NRXN1: variants seen among roughly 807,000 people sequenced by gnomAD.
NRXN1 encodes neurexin 1.
In NRXN1, 39 loss-of-function variants were observed where a neutral mutation model predicts 150.9. The observed-to-expected ratio is 0.26, with a 90% CI of 0.20 to 0.34. The LOEUF (loss-of-function observed/expected upper bound fraction) is 0.34. Ranked by LOEUF, NRXN1 falls within the 10% of genes least tolerant of loss-of-function variation. The probability of loss-of-function intolerance (pLI) is 1.00; values close to 1 mark genes in which losing one functional copy is unlikely to be tolerated. For missense variants in NRXN1, 1,815 were observed against 1,949.9 expected, an observed-to-expected ratio of 0.93 and a Z score of 1.30; for synonymous variants, 924 against 757.0, an observed-to-expected ratio of 1.22 and a Z score of -3.62.
chr2:50,457,837 T>G lies in NRXN1; in HGVS notation c.3364+7605A>C, dbSNP rs190424981. Among the ~76,000 whole-genome samples, 50 of 152,160 alleles carry G rather than the reference T, an allele frequency of 3.3e-4. 1 individual carries two copies. The East Asian group carries it at 5.1e-3, about 15-fold the overall frequency. On this transcript the variant is annotated intron_variant, in intron 17 of 22. Transcript: ENST00000401669. The stretch of plus-strand genomic sequence containing the variant: ...TATAAAAAAGACATAAAATAACACA[T>G]GCTGGCAAAAATTTGGAAAAAGAGA...
At chr2:50,995,773 G>A (rs1013872864) in intron 2 of NRXN1, among the ~76,000 whole-genome samples, 6 of 151,982 alleles carry the variant, frequency 3.9e-5, no homozygotes, top group Non-Finnish European at 7.4e-5. Flanking sequence ...TTGGCTTTAC[G>A]CCGAGCAAGG....
intron 21 of NRXN1, among the ~76,000 whole-genome samples, chr2:49,977,715 G>A (rs1157471051): frequency 6.6e-6 from 1 of 152,180 alleles, no homozygotes. Context: ...TGTTAGTAAA[G>A]AGATTAGGGT....
chr2:50,373,332 T>TATTATTA (rs1558619077), intron 17 of NRXN1, among the ~76,000 whole-genome samples: 3 of 147,138 alleles, frequency 2.0e-5, no homozygotes, highest in African/African-American at 2.5e-5. Flanking sequence ...TTATTATTAT[T>TATTATTA]TTGCCTCAGA....
In NRXN1 at chr2:50,712,496, T is replaced by G. The variant is rs563844643; in HGVS notation, c.833-88881A>C. On this transcript the variant is annotated intron_variant, in intron 5 of 22. Transcript: ENST00000401669. Reference sequence around the variant, plus strand: ...CAGCTAATCAAAGATCTTGGTTTAATGTAGGCCAAACCAGGTCCCCTGTGT... The same window carrying G: ...CAGCTAATCAAAGATCTTGGTTTAAGGTAGGCCAAACCAGGTCCCCTGTGT... 2.0e-3 allele frequency among the ~76,000 whole-genome samples: 299 copies of G among 152,310 alleles called. 3 individuals carry two copies. The Middle Eastern group carries it at 0.037, about 19-fold the overall frequency.
chr2:50,151,021 A>C (rs546955544), intron 18 of NRXN1, among the ~76,000 whole-genome samples: 4 of 151,886 alleles, frequency 2.6e-5, no homozygotes, highest in African/African-American at 7.2e-5. Flanking sequence ...ACAGGGGCTA[A>C]AGATTTATGC....
chr2:50,977,569 G>A (rs1413822998), intron 2 of NRXN1, among the ~76,000 whole-genome samples: 9 of 151,908 alleles, frequency 5.9e-5, no homozygotes, highest in South Asian at 2.1e-4. Flanking sequence ...AGTTACTGCA[G>A]AATAATCTCT....
At chr2:50,293,979 T>C (rs911765727) in intron 17 of NRXN1, among the ~76,000 whole-genome samples, 1 of 152,216 alleles carries the variant, frequency 6.6e-6, no homozygotes, top group African/African-American at 2.4e-5. Context: ...AGTGGTTTTC[T>C]GTTCACTTAC....
intron 18 of NRXN1, among the ~76,000 whole-genome samples, chr2:50,213,838 G>C (rs1239571031): frequency 1.3e-5 from 2 of 151,788 alleles, no homozygotes; most frequent in East Asian, 3.9e-4. Flanking sequence ...CATTTAAAAA[G>C]TGTGACAAGC....
chr2:50,026,901 G>T (rs2152564452), intron 21 of NRXN1, among the ~76,000 whole-genome samples: 3 of 39,222 alleles, frequency 7.6e-5, no homozygotes, highest in African/African-American at 1.1e-4. Flanking sequence ...TTTTTTTTGA[G>T]ACGGAGTCTC....
At position 51,027,839 on chromosome 2, in the gene NRXN1, C is replaced by T. The variant is rs1303388955; in HGVS notation, c.435G>A (p.Arg145=). 1.9e-6 allele frequency: 3 copies of T among 1,613,288 alleles called. No homozygotes were observed. Among genetic ancestry groups the T allele is most frequent in the South Asian group, 1.1e-5 (1 of 91,090 alleles). Reference sequence around the variant, plus strand: ...AAAGGCCGCTGAACACCGTCATGTCCCTGCGCTTGGACTTGACCTCCACCC... The same window carrying T: ...AAAGGCCGCTGAACACCGTCATGTCTCTGCGCTTGGACTTGACCTCCACCC... ...AKWVEVKSKR[R]DMTVFSGLFV... The change falls in exon 2 of 23, where the codon AGG becomes AGA. Residue 145 remains arginine (R), a synonymous_variant. Coordinates refer to ENST00000401669, the MANE Select transcript of NRXN1 (RefSeq NM_001330078.2).
chr2:50,469,607 G>A (rs2216172), intron 16 of NRXN1, among the ~76,000 whole-genome samples: 91,267 of 151,026 alleles, frequency 0.6, 28,285 homozygotes, highest in African/African-American at 0.73. Flanking sequence ...CCTAAAAAAT[G>A]TGTGAATCTC....
At chr2:50,853,611 T>C (rs1485168354) in intron 5 of NRXN1, among the ~76,000 whole-genome samples, 2 of 152,096 alleles carry the variant, frequency 1.3e-5, no homozygotes, top group Non-Finnish European at 2.9e-5. Flanking sequence ...TCATCACATA[T>C]TCATATGTCA....
At chr2:50,126,164 A>AT (rs1301268991) in intron 18 of NRXN1, among the ~76,000 whole-genome samples, 1 of 152,116 alleles carries the variant, frequency 6.6e-6, no homozygotes, top group Non-Finnish European at 1.5e-5. Context: ...TCGGCATACA[A>AT]TTTTAATACA....
intron 5 of NRXN1, among the ~76,000 whole-genome samples, chr2:50,682,899 C>A (rs932060438): frequency 6.6e-6 from 1 of 152,050 alleles, no homozygotes; most frequent in Non-Finnish European, 1.5e-5. Context: ...TCAATACAGC[C>A]TTGCACATAA....
intron 5 of NRXN1, among the ~76,000 whole-genome samples, chr2:50,654,907 C>T (rs1022200024): frequency 3.3e-5 from 5 of 151,956 alleles, no homozygotes; most frequent in Non-Finnish European, 5.9e-5. Context: ...TCAAACGATG[C>T]TTAAACCAAA....
intron 21 of NRXN1, among the ~76,000 whole-genome samples, chr2:50,003,549 A>C (rs978811486): frequency 2.0e-5 from 3 of 152,158 alleles, no homozygotes; most frequent in Non-Finnish European, 2.9e-5. Context: ...AACCTCCTTG[A>C]AGCTGCAAAG....
In NRXN1 at chr2:49,968,942, T is replaced by A. The variant is rs1455688188; in HGVS notation, c.4129-25151A>T. On this transcript the variant is annotated intron_variant, in intron 21 of 22. Transcript: ENST00000401669. ...CATGACATCTAGCAGTGTTCTGGCA[T>A]AGATACAATCATGCAGTACATATTT... Among the ~76,000 whole-genome samples the A allele has an allele frequency of 2.0e-5, 3 of 152,222 alleles. No homozygotes were observed. In the East Asian group the frequency reaches 5.8e-4, roughly 29 times the overall value.
At chr2:50,895,437 T>C (rs1242438840) in intron 5 of NRXN1, among the ~76,000 whole-genome samples, 1 of 152,188 alleles carries the variant, frequency 6.6e-6, no homozygotes, top group Non-Finnish European at 1.5e-5. Flanking sequence ...GCCTGTTTTC[T>C]CTTCCGTAAC....
intron 5 of NRXN1, chr2:50,631,359 C>A: frequency 4.1e-6 from 1 of 245,156 alleles, no homozygotes; most frequent in Non-Finnish European, 8.0e-6. Context: ...CTTGATGATA[C>A]ACTTGAAGTC....
Sources: allele counts gnomAD v4.1 joint callset (sites outside exome capture counted in the v4.1 genomes callset), GRCh38; gene constraint gnomAD v4.1.1; transcripts MANE v1.5; gene names NCBI Gene and HGNC (gene_info 2026-07-23, HGNC 2026-07-21).